The following SASH1 variants were observed in gnomAD, a reference collection of about 807,000 sequenced individuals.
SASH1 encodes SAM and SH3 domain-containing protein 1.
In SASH1, 44 loss-of-function variants were observed where a neutral mutation model predicts 125.2. That is an observed-to-expected ratio of 0.35 (90% CI 0.28 to 0.45). The LOEUF (loss-of-function observed/expected upper bound fraction) is 0.45. Among genes scored for constraint, SASH1 ranks in the 20% least tolerant of loss-of-function variants. The pLI is 1.00. For synonymous variants in SASH1, 639 were observed against 649.1 expected, an observed-to-expected ratio of 0.98 and a Z score of 0.24; for missense variants, 1,426 against 1,614.5, an observed-to-expected ratio of 0.88 and a Z score of 2.00.
chr6:148,324,179 G>A (rs1019406508), intron 1 of SASH1, among the ~76,000 whole-genome samples: 1 of 148,012 alleles, frequency 6.8e-6, no homozygotes, highest in Non-Finnish European at 1.5e-5. Context: ...AAATGGGAGG[G>A]CAGCAGGCTG....
chr6:148,236,172 C>T, the SASH1 span, among the ~76,000 whole-genome samples: 4 of 152,010 alleles, frequency 2.6e-5, no homozygotes, highest in African/African-American at 9.7e-5. Context: ...CAGGAAGGAA[C>T]ACAGACTAAA....
At chr6:148,369,392 TAGTTTAAG>T (rs1347159167) in intron 1 of SASH1, among the ~76,000 whole-genome samples, 4 of 152,122 alleles carry the variant, frequency 2.6e-5, no homozygotes, top group Non-Finnish European at 4.4e-5. Flanking sequence ...TTTTTGAAGA[TAGTTTAAG>T]AGTTGGTCAT....
chr6:148,545,329 C>T (rs953077290), intron 18 of SASH1, among the ~76,000 whole-genome samples: 5 of 152,156 alleles, frequency 3.3e-5, no homozygotes, highest in African/African-American at 9.7e-5. Context: ...GGATGCATTC[C>T]TGAGAGTCCT....
intron 1 of SASH1, among the ~76,000 whole-genome samples, chr6:148,348,953 C>T (rs570622798): frequency 6.6e-6 from 1 of 152,344 alleles, no homozygotes; most frequent in South Asian, 2.1e-4. Context: ...GATCAGCAAC[C>T]CAGGAGCGTC....
chr6:148,382,029 G>A (rs1361850562), intron 1 of SASH1, among the ~76,000 whole-genome samples: 2 of 152,188 alleles, frequency 1.3e-5, no homozygotes, highest in African/African-American at 4.8e-5. Flanking sequence ...GTGGGGGATT[G>A]TACTGCGTTC....
the SASH1 span, among the ~76,000 whole-genome samples, chr6:148,248,356 G>T: frequency 6.6e-6 from 1 of 152,078 alleles, no homozygotes; most frequent in Non-Finnish European, 1.5e-5. Context: ...CTTTCCCCAG[G>T]GGAAATTTGA....
intron 1 of SASH1, among the ~76,000 whole-genome samples, chr6:148,302,341 A>AAGT (rs34513109): frequency 9.6e-6 from 1 of 104,422 alleles, no homozygotes; most frequent in Non-Finnish European, 1.9e-5. Flanking sequence ...AAAAAAAAAA[A>AAGT]CTAGTAATAT....
chr6:148,273,355 G>A (rs1192835807), intron 1 of SASH1, among the ~76,000 whole-genome samples: 1 of 146,998 alleles, frequency 6.8e-6, no homozygotes, highest in Non-Finnish European at 1.5e-5. Flanking sequence ...GTGCTGTGGT[G>A]TAATGTCAGC....
chr6:148,443,143 G>GAAAA (rs3035290), intron 4 of SASH1, among the ~76,000 whole-genome samples: 5 of 129,428 alleles, frequency 3.9e-5, no homozygotes, highest in Non-Finnish European at 8.1e-5. Context: ...GCACTTTTTA[G>GAAAA]AAAAAAAAAA....
chr6:148,207,320 T>C, the SASH1 span, among the ~76,000 whole-genome samples: 1 of 152,222 alleles, frequency 6.6e-6, no homozygotes, highest in African/African-American at 2.4e-5. Context: ...TATTTCATTT[T>C]AAATCATTTA....
At chr6:148,536,346 G>A (rs1044998724) in intron 16 of SASH1, among the ~76,000 whole-genome samples, 12 of 152,046 alleles carry the variant, frequency 7.9e-5, no homozygotes, top group African/African-American at 2.9e-4. Flanking sequence ...GTTTTATTTT[G>A]TTTTGTTTTT....
chr6:148,543,902 G>A lies in SASH1; in HGVS notation c.2432G>A (p.Arg811Gln), dbSNP rs748448028. Residue 811 changes from arginine to glutamine, a missense_variant, in exon 18 of 20, where the codon CGA becomes CAA. By Grantham distance (43) the Arg-to-Gln change is conservative. Coordinates refer to ENST00000367467, the MANE Select transcript of SASH1 (RefSeq NM_015278.5). ...GGTGTGACTGGTTTGAATAAAAACCGAAGAAGCCTCCCAGTTTCCATCTGC... is the reference window on the plus strand; with the variant it reads ...GGTGTGACTGGTTTGAATAAAAACCAAAGAAGCCTCCCAGTTTCCATCTGC... ...PPGVTGLNKN[R>Q]RSLPVSICRS... is the part of the protein sequence containing the mutation. 3.8e-5 allele frequency: 62 copies of A among 1,614,068 alleles called. No homozygotes were observed. In the Middle Eastern group the frequency reaches 6.6e-4, roughly 17 times the overall value.
chr6:148,212,867 A>T, the SASH1 span, among the ~76,000 whole-genome samples: 1 of 152,192 alleles, frequency 6.6e-6, no homozygotes, highest in African/African-American at 2.4e-5. Flanking sequence ...GGAAAGTAAC[A>T]GAGTGAGGCT....
At chr6:148,344,477 A>G (rs1270121893) in intron 1 of SASH1, among the ~76,000 whole-genome samples, 3 of 152,168 alleles carry the variant, frequency 2.0e-5, no homozygotes, top group Non-Finnish European at 4.4e-5. Flanking sequence ...ATTGGTATTT[A>G]TGATTCTTAC....
rs553443599 is a variant in SASH1 at position 148,382,595 on chromosome 6, A to G, written c.157-7539A>G. ...ATGAGCCACCGTGCCTGGCCCCCCA[A>G]TTTTTTTTCCTGCTATTTTTTTCCT... On this transcript the variant is annotated intron_variant, in intron 1 of 19. Coordinates refer to ENST00000367467, the MANE Select transcript of SASH1 (RefSeq NM_015278.5). 1.9e-4 allele frequency among the ~76,000 whole-genome samples: 29 copies of G among 151,890 alleles called. 1 individual carries two copies. The South Asian group carries it at 2.9e-3, about 15-fold the overall frequency.
In SASH1 at chr6:148,459,554, C is replaced by T. The variant is rs116580648; in HGVS notation, c.387-8991C>T. Among the ~76,000 whole-genome samples, 779 of 152,316 alleles carry T rather than the reference C, an allele frequency of 5.1e-3. 6 individuals are homozygous for T. Among genetic ancestry groups the T allele is most frequent in the African/African-American group, 0.018 (737 of 41,560 alleles). On this transcript the variant is annotated intron_variant, in intron 4 of 19. Coordinates refer to ENST00000367467, the MANE Select transcript of SASH1 (RefSeq NM_015278.5). The stretch of plus-strand genomic sequence containing the variant: ...GCACCTTTGTAGGGATTTTTAGAGT[C>T]AACAGGAGTGGGATCTGTCCTTGGC...
At chr6:148,472,981 G>A (rs551905128) in intron 6 of SASH1, among the ~76,000 whole-genome samples, 16 of 152,198 alleles carry the variant, frequency 1.1e-4, no homozygotes, top group Admixed American at 9.8e-4. Flanking sequence ...TTCCCCACAC[G>A]CTGACCAGAG....
the SASH1 span, among the ~76,000 whole-genome samples, chr6:148,245,943 A>G: frequency 6.6e-6 from 1 of 151,884 alleles, no homozygotes; most frequent in Non-Finnish European, 1.5e-5. Flanking sequence ...AGATCGCACC[A>G]CTGTACTCCA....
intron 11 of SASH1, 80 bp downstream of exon 11, chr6:148,525,445 G>A: frequency 9.0e-7 from 1 of 1,114,634 alleles, no homozygotes; most frequent in Non-Finnish European, 1.4e-6. Flanking sequence ...GTATCTTTGA[G>A]AATTGATACT....
Sources: gnomAD v4.1 joint callset for allele counts (sites outside exome capture counted in the v4.1 genomes callset) on GRCh38, gnomAD v4.1.1 for gene constraint, MANE v1.5 for transcripts, NCBI Gene and HGNC (gene_info 2026-07-23, HGNC 2026-07-21) for gene names.